Variants in DHCR24 observed in about 807,000 individuals in gnomAD.
DHCR24 encodes delta(24)-sterol reductase.
A neutral mutation model predicts 61.2 loss-of-function variants in DHCR24; 28 were observed. That is an observed-to-expected ratio of 0.46 (90% CI 0.34 to 0.63). DHCR24 has a LOEUF of 0.63. Among genes scored for constraint, DHCR24 ranks in the 20% least tolerant of loss-of-function variants. The pLI is 0.01. For missense variants in DHCR24, 538 were observed against 679.1 expected (o/e 0.79, Z 2.31); for synonymous variants, 261 against 275.9 (o/e 0.95, Z 0.54).
At position 54,852,478 on chromosome 1, in the gene DHCR24, A is replaced by G. The variant is rs528646711; in HGVS notation, c.1398-92T>C. ...CAACTGCTCATTCTGCAGCCCAGAAAAGGCTTTTGGAGGATTTCTCTTGTT... is the reference window on the plus strand; with the variant it reads ...CAACTGCTCATTCTGCAGCCCAGAAGAGGCTTTTGGAGGATTTCTCTTGTT... On this transcript the variant is annotated intron_variant, in intron 8 of 8. Coordinates refer to ENST00000371269, the MANE Select transcript of DHCR24 (RefSeq NM_014762.4). 3,197 of 1,458,570 alleles carry G rather than the reference A, an allele frequency of 2.2e-3. 7 individuals are homozygous for G. Among genetic ancestry groups the G allele is most frequent in the Non-Finnish European group, 2.4e-3 (2,538 of 1,048,972 alleles). 90.4% of individuals were successfully genotyped at this position (1,458,570 alleles called of 1,614,324 possible).
At chr1:54,870,091 A>G (rs1646989972) in intron 5 of DHCR24, among the ~76,000 whole-genome samples, 1 of 151,828 alleles carries the variant, frequency 6.6e-6, no homozygotes, top group South Asian at 2.1e-4. Flanking sequence ...ACATGGTGGC[A>G]CACGCCTGTA....
chr1:54,881,275 G>C (rs1647062511), intron 2 of DHCR24, among the ~76,000 whole-genome samples: 1 of 151,924 alleles, frequency 6.6e-6, no homozygotes, highest in Non-Finnish European at 1.5e-5. Context: ...CATCAATAAG[G>C]AACTTAAACA....
At chr1:54,862,948 C>T (rs1334368581) in intron 6 of DHCR24, among the ~76,000 whole-genome samples, 9 of 151,924 alleles carry the variant, frequency 5.9e-5, no homozygotes, top group African/African-American at 1.9e-4. Context: ...TAGTGGTGGG[C>T]GCCTATAGTC....
rs1227351046 is a variant in DHCR24 at position 54,852,234 on chromosome 1, C to T, written c.1550G>A (p.Ter517=). 1 of 1,614,220 alleles carries T rather than the reference C, an allele frequency of 6.2e-7. No individual in the cohort carries two copies. Among genetic ancestry groups the T allele is most frequent in the Non-Finnish European group, 8.5e-7 (1 of 1,180,044 alleles). ...CTGTCTCTCCAGGCGGGCTCCAGCT[C>T]AGTGCCTGGCGGCCTTGCAGATCTT... ...YDKICKAARH[*] The change falls in exon 9 of 9, where the codon TGA becomes TAA. Residue 517 remains the stop codon, a stop_retained_variant. Transcript: ENST00000371269.
intron 6 of DHCR24, among the ~76,000 whole-genome samples, chr1:54,856,979 C>T (rs1279859963): frequency 6.6e-6 from 1 of 152,200 alleles, no homozygotes; most frequent in African/African-American, 2.4e-5. Flanking sequence ...TTTTGCCTGT[C>T]TCTAATTCTG....
At position 54,853,578 on chromosome 1, in the gene DHCR24, G is replaced by A; in HGVS notation, c.1253C>T (p.Pro418Leu). 6.2e-7 allele frequency: 1 copy of A among 1,614,072 alleles called. No homozygotes were observed. Among genetic ancestry groups the A allele is most frequent in the South Asian group, 1.1e-5 (1 of 91,028 alleles). ...YPIWLCPFILPSQPGLVHPKG... is the reference protein window; with the variant it reads ...YPIWLCPFILLSQPGLVHPKG... ...GGGGTGCACTAGGCCTGGCTGGCTGGGCAGGATGAACGGACACAGCCAGAT... is the reference window on the plus strand; with the variant it reads ...GGGGTGCACTAGGCCTGGCTGGCTGAGCAGGATGAACGGACACAGCCAGAT... The change falls in exon 8 of 9, where the codon CCC becomes CTC. Residue 418 changes from proline to leucine, a missense_variant. Transcript: ENST00000371269.
chr1:54,854,545 C>T (rs1646896364), intron 6 of DHCR24, among the ~76,000 whole-genome samples: 1 of 152,226 alleles, frequency 6.6e-6, no homozygotes, highest in Non-Finnish European at 1.5e-5. Context: ...GGAAGGCACT[C>T]AACCCCATGC....
At chr1:54,854,333 C>G in intron 6 of DHCR24, 99 bp from the exon 7 acceptor site, 1 of 1,023,690 alleles carries the variant, frequency 9.8e-7, no homozygotes, top group Non-Finnish European at 1.5e-6. Context: ...CTGTGCTTGA[C>G]AGAAGCACGC....
At chr1:54,860,382 C>T (rs1646929231) in intron 6 of DHCR24, among the ~76,000 whole-genome samples, 1 of 152,130 alleles carries the variant, frequency 6.6e-6, no homozygotes, top group African/African-American at 2.4e-5. Flanking sequence ...CTGAACATTC[C>T]TCTCCCCTCC....
At chr1:54,861,074 C>T (rs572798281) in intron 6 of DHCR24, among the ~76,000 whole-genome samples, 1 of 152,236 alleles carries the variant, frequency 6.6e-6, no homozygotes, top group Admixed American at 6.5e-5. Context: ...TGCCCTTGGC[C>T]TTCTTTCTTT....
At chr1:54,876,293 T>C (rs1201333926) in intron 2 of DHCR24, among the ~76,000 whole-genome samples, 1 of 152,072 alleles carries the variant, frequency 6.6e-6, no homozygotes, top group East Asian at 1.9e-4. Flanking sequence ...GACTTAACCT[T>C]TTCTAAATTA....
Position 54,853,622 on chromosome 1 carries a change from C to A in DHCR24, c.1219-10G>T. 1 of 1,611,962 alleles carries A rather than the reference C, an allele frequency of 6.2e-7. No homozygotes were observed. The highest frequency in any genetic ancestry group is 2.2e-5 in the East Asian group (1 of 44,832). On this transcript the variant is annotated splice_polypyrimidine_tract_variant and intron_variant, in intron 7 of 8. Transcript: ENST00000371269. Reference sequence around the variant, plus strand: ...GCCAGATGGGGTAGACCTGGGTAGACCAGGGAGGTGGGTATTGGTGCTTTT... The same window carrying A: ...GCCAGATGGGGTAGACCTGGGTAGAACAGGGAGGTGGGTATTGGTGCTTTT...
chr1:54,886,793 C>T (rs979307281), intron 1 of DHCR24, 96 bp downstream of exon 1: 141 of 1,533,218 alleles, frequency 9.2e-5, no homozygotes, highest in African/African-American at 6.6e-4. Context: ...GTCCTGGCCG[C>T]CCCCGCACCG....
intron 6 of DHCR24, 60 bp from the exon 7 acceptor site, chr1:54,854,294 G>A (rs1646894999): frequency 1.3e-6 from 2 of 1,484,260 alleles, no homozygotes; most frequent in Non-Finnish European, 1.9e-6. Flanking sequence ...ATGTCTCCAA[G>A]TGCAAGGGGC....
chr1:54,879,135 A>G (rs921735351), intron 2 of DHCR24, among the ~76,000 whole-genome samples: 1 of 152,126 alleles, frequency 6.6e-6, no homozygotes, highest in Non-Finnish European at 1.5e-5. Context: ...CCTAGCCAAC[A>G]TGGCGAAACT....
At chr1:54,881,535 T>C (rs1647063964) in intron 2 of DHCR24, among the ~76,000 whole-genome samples, 1 of 152,158 alleles carries the variant, frequency 6.6e-6, no homozygotes, top group Non-Finnish European at 1.5e-5. Flanking sequence ...TTATACACTG[T>C]TGGTGGGAGT....
intron 4 of DHCR24, among the ~76,000 whole-genome samples, chr1:54,874,466 G>A (rs1165442350): frequency 6.6e-6 from 1 of 152,186 alleles, no homozygotes; most frequent in African/African-American, 2.4e-5. Context: ...ATGCTGTATA[G>A]GTCTGTAGTC....
intron 4 of DHCR24, among the ~76,000 whole-genome samples, chr1:54,872,831 G>A (rs1647007277): frequency 6.6e-6 from 1 of 152,216 alleles, no homozygotes; most frequent in Non-Finnish European, 1.5e-5. Flanking sequence ...ATGAATTGAT[G>A]TGAATCTTGC....
chr1:54,858,784 GCAC>G (rs1646921088), intron 6 of DHCR24, among the ~76,000 whole-genome samples: 1 of 152,122 alleles, frequency 6.6e-6, no homozygotes, highest in African/African-American at 2.4e-5. Context: ...TTACAGGCAT[GCAC>G]CACCACATCT....
Sources: gnomAD v4.1 joint callset for allele counts (sites outside exome capture counted in the v4.1 genomes callset) on GRCh38, gnomAD v4.1.1 for gene constraint, MANE v1.5 for transcripts, NCBI Gene and HGNC (gene_info 2026-07-23, HGNC 2026-07-21) for gene names.